The following ANGPT1 variants were observed in gnomAD, a reference collection of about 807,000 sequenced individuals.
ANGPT1 encodes the protein angiopoietin 1, also known as angiopoietin-1.
A neutral mutation model predicts 62.2 loss-of-function variants in ANGPT1; 17 were observed. The ratio of observed to expected loss-of-function variants is 0.27; its 90% CI spans 0.19 to 0.41. The LOEUF is 0.41. Among genes scored for constraint, ANGPT1 ranks in the 10% least tolerant of loss-of-function variants. The probability of loss-of-function intolerance (pLI) is 1.00; values close to 1 mark genes in which losing one functional copy is unlikely to be tolerated. For synonymous variants in ANGPT1, 199 were observed against 198.9 expected, an observed-to-expected ratio of 1.00 and a Z score of 0.00; for missense variants, 478 against 594.9, an observed-to-expected ratio of 0.80 and a Z score of 2.04.
At chr8:107,323,595 C>G (rs978714505) in intron 3 of ANGPT1, among the ~76,000 whole-genome samples, 1 of 152,080 alleles carries the variant, frequency 6.6e-6, no homozygotes, top group Non-Finnish European at 1.5e-5. Context: ...GTGAGGGAAT[C>G]GAGAGAAGTC....
At chr8:107,485,180 T>C (rs1322694055) in intron 1 of ANGPT1, among the ~76,000 whole-genome samples, 1 of 152,154 alleles carries the variant, frequency 6.6e-6, no homozygotes, top group Non-Finnish European at 1.5e-5. Context: ...ATCCCAACAG[T>C]ATCTACTGGG....
intron 8 of ANGPT1, among the ~76,000 whole-genome samples, chr8:107,253,859 C>T (rs1485860745): frequency 6.6e-6 from 1 of 152,122 alleles, no homozygotes; most frequent in Non-Finnish European, 1.5e-5. Context: ...GTAAATTGAT[C>T]TTGTGTAGCT....
At chr8:107,447,032 C>T (rs569809036) in intron 1 of ANGPT1, among the ~76,000 whole-genome samples, 4 of 152,192 alleles carry the variant, frequency 2.6e-5, no homozygotes, top group Non-Finnish European at 5.9e-5. Flanking sequence ...CTGTTCCTCT[C>T]TCATAGCCAA....
intron 1 of ANGPT1, among the ~76,000 whole-genome samples, chr8:107,399,547 G>T (rs116767819): frequency 1.1e-3 from 170 of 152,172 alleles, no homozygotes; most frequent in African/African-American, 3.8e-3. Context: ...TAAAATATAG[G>T]TGATTCACGG....
intron 2 of ANGPT1, among the ~76,000 whole-genome samples, chr8:107,342,198 A>G (rs949965022): frequency 8.5e-5 from 13 of 152,284 alleles, no homozygotes; most frequent in African/African-American, 3.1e-4. Flanking sequence ...ACCTATTACA[A>G]TCAACACACA....
chr8:107,444,787 G>A (rs1811570721), intron 1 of ANGPT1, among the ~76,000 whole-genome samples: 1 of 152,068 alleles, frequency 6.6e-6, no homozygotes, highest in African/African-American at 2.4e-5. Context: ...ATGATTTCTA[G>A]ATCAGATGAT....
chr8:107,433,088 G>T (rs1208393300), intron 1 of ANGPT1, among the ~76,000 whole-genome samples: 1 of 151,876 alleles, frequency 6.6e-6, no homozygotes, highest in Non-Finnish European at 1.5e-5. Context: ...TTTTGTAAAA[G>T]ACTTTTTAAG....
intron 1 of ANGPT1, among the ~76,000 whole-genome samples, chr8:107,370,194 A>AG (rs34543409): frequency 0.16 from 12,416 of 75,276 alleles, 1,048 homozygotes; most frequent in East Asian, 0.32. Context: ...AAAGAAAGAA[A>AG]AAAAGAAAGA....
intron 1 of ANGPT1, among the ~76,000 whole-genome samples, chr8:107,388,237 A>G (rs1816769701): frequency 6.6e-6 from 1 of 152,002 alleles, no homozygotes; most frequent in Non-Finnish European, 1.5e-5. Flanking sequence ...ACATAGCAAG[A>G]CCCTGTCTCT....
At chr8:107,471,404 G>A (rs1215557844) in intron 1 of ANGPT1, among the ~76,000 whole-genome samples, 1 of 152,048 alleles carries the variant, frequency 6.6e-6, no homozygotes, top group Non-Finnish European at 1.5e-5. Context: ...GGGCCTGTCA[G>A]GCTGTGGGGG....
chr8:107,288,367 C>G (rs1415016379), intron 6 of ANGPT1, among the ~76,000 whole-genome samples: 1 of 152,130 alleles, frequency 6.6e-6, no homozygotes, highest in African/African-American at 2.4e-5. Flanking sequence ...CTCTTTCAAG[C>G]CCTCTCTTTC....
chr8:107,497,542 G>A lies in ANGPT1; in HGVS notation c.17C>T (p.Ser6Phe), dbSNP rs747792940. The change falls in exon 1 of 9, where the codon TCC (serine) becomes TTC (phenylalanine). Residue 6 changes from serine (S) to phenylalanine (F), a missense_variant. Ser to Phe is a radical substitution (Grantham distance 155). Around this residue, in one of 4 missense-constraint regions of ANGPT1, gnomAD observed 343 missense variants for 355.4 expected, o/e 0.97. Transcript: ENST00000517746. MTVFLSFAFLAAILTH... is the reference protein window; with the variant it reads MTVFLFFAFLAAILTH... ...CAGAATGGCAGCGAGGAAAGCAAAG[G>A]AAAGGAAAACTGTCATTGTACTGCC... is the stretch of plus-strand genomic sequence containing the variant. 2.5e-6 allele frequency: 4 copies of A among 1,613,926 alleles called. No individual in the cohort carries two copies. The South Asian group carries it at 3.3e-5, about 13-fold the overall frequency.
intron 1 of ANGPT1, among the ~76,000 whole-genome samples, chr8:107,492,559 A>T (rs977801146): frequency 1.3e-5 from 2 of 152,030 alleles, no homozygotes; most frequent in Non-Finnish European, 2.9e-5. Context: ...CTGGTCTCGA[A>T]CTCTTCACCT....
intron 1 of ANGPT1, among the ~76,000 whole-genome samples, chr8:107,444,227 T>A (rs1428799176): frequency 6.6e-6 from 1 of 152,186 alleles, no homozygotes; most frequent in Non-Finnish European, 1.5e-5. Context: ...CACTGGGAGT[T>A]CTAAAAGTAC....
chr8:107,407,631 A>G (rs1012613106), intron 1 of ANGPT1, among the ~76,000 whole-genome samples: 2 of 152,150 alleles, frequency 1.3e-5, no homozygotes, highest in African/African-American at 4.8e-5. Flanking sequence ...TTCTCAGAAA[A>G]ACACATCTGA....
intron 3 of ANGPT1, among the ~76,000 whole-genome samples, chr8:107,324,909 G>A (rs987941899): frequency 2.0e-5 from 3 of 152,100 alleles, no homozygotes; most frequent in East Asian, 3.9e-4. Context: ...GCCCTGCACC[G>A]ATCATAAAGT....
chr8:107,415,742 C>T (rs1015211848), intron 1 of ANGPT1, among the ~76,000 whole-genome samples: 1 of 152,250 alleles, frequency 6.6e-6, no homozygotes, highest in East Asian at 1.9e-4. Context: ...TTTGTCTGCT[C>T]GCATGTTATG....
At chr8:107,434,867 C>G (rs1047421308) in intron 1 of ANGPT1, among the ~76,000 whole-genome samples, 24 of 152,228 alleles carry the variant, frequency 1.6e-4, no homozygotes, top group Middle Eastern at 3.4e-3. Context: ...AGCTGTTGAG[C>G]AAATCCATTT....
intron 1 of ANGPT1, among the ~76,000 whole-genome samples, chr8:107,488,786 C>G (rs1371909933): frequency 1.3e-5 from 2 of 152,122 alleles, no homozygotes; most frequent in African/African-American, 2.4e-5. Flanking sequence ...GATGTCAAGA[C>G]CTGCTGGGTG....
Sources: gnomAD v4.1 joint callset for allele counts (sites outside exome capture counted in the v4.1 genomes callset) on GRCh38, gnomAD v4.1.1 for gene constraint, gnomAD v4.1.1 regional missense constraint, MANE v1.5 for transcripts, NCBI Gene and HGNC (gene_info 2026-07-23, HGNC 2026-07-21) for gene names.